Variants in TMEM132C observed in about 807,000 individuals in gnomAD.
TMEM132C encodes transmembrane protein 132C, also known as protein phosphatase 1, regulatory subunit 152.
TMEM132C carries 29 observed loss-of-function variants against 61.4 expected under a neutral mutation model. The observed-to-expected ratio is 0.47, with a 90% CI of 0.35 to 0.64. The LOEUF (loss-of-function observed/expected upper bound fraction) is 0.64. TMEM132C is among the 30% of genes least tolerant of loss of function. TMEM132C has a pLI of 0.00. For synonymous variants in TMEM132C, 656 were observed against 633.1 expected (o/e 1.04, Z -0.54); for missense variants, 1,408 against 1,476.9 (o/e 0.95, Z 0.76).
At chr12:128,479,309 G>A (rs1871250038) in intron 2 of TMEM132C, among the ~76,000 whole-genome samples, 1 of 152,052 alleles carries the variant, frequency 6.6e-6, no homozygotes, top group African/African-American at 2.4e-5. Flanking sequence ...AAACCCTCAT[G>A]ACACAAGTTT....
At chr12:128,678,956 G>A (rs1438599748) in intron 5 of TMEM132C, among the ~76,000 whole-genome samples, 1 of 152,238 alleles carries the variant, frequency 6.6e-6, no homozygotes, top group Non-Finnish European at 1.5e-5. Flanking sequence ...GCCTCAGACA[G>A]ACTCCTGTTA....
intron 4 of TMEM132C, among the ~76,000 whole-genome samples, chr12:128,645,042 A>C (rs1352433286): frequency 6.6e-6 from 1 of 152,202 alleles, no homozygotes; most frequent in Non-Finnish European, 1.5e-5. Context: ...TGAGAGCTGC[A>C]GTGGAACTAA....
rs191830802 is a variant in TMEM132C, at chr12:128,695,022, G to A, written c.1656-808G>A. On this transcript the variant is annotated intron_variant, in intron 6 of 8. Coordinates refer to ENST00000435159, the MANE Select transcript of TMEM132C (RefSeq NM_001136103.3). The stretch of plus-strand genomic sequence containing the variant: ...CTCATAGTGTTATGAGGTTAAAAGA[G>A]TTCATACATGTGGAAGCATAAAATG... Among the ~76,000 whole-genome samples, 136 of 152,264 alleles carry A rather than the reference G, an allele frequency of 8.9e-4. 1 individual carries two copies. Among genetic ancestry groups the A allele is most frequent in the African/African-American group, 3.1e-3 (129 of 41,568 alleles).
chr12:128,703,118 A>G (rs1954814743), intron 8 of TMEM132C, among the ~76,000 whole-genome samples: 1 of 152,116 alleles, frequency 6.6e-6, no homozygotes, highest in Non-Finnish European at 1.5e-5. Context: ...TCCTAACGAT[A>G]TGACTGGACA....
rs1256356271 is a variant in TMEM132C, at chr12:128,399,401, C to T, written c.86-15331C>T. Among the ~76,000 whole-genome samples, 3 of 152,156 alleles carry T rather than the reference C, an allele frequency of 2.0e-5. No individual in the cohort carries two copies. The East Asian group carries it at 5.8e-4, about 29-fold the overall frequency. On this transcript the variant is annotated intron_variant, in intron 1 of 8. Transcript: ENST00000435159. ...TACCACCATCTGTGATAAATGGATG[C>T]CTCTCTCTTTCAATAGATACAGCGA...
chr12:128,609,570 C>T (rs985826527), intron 3 of TMEM132C, among the ~76,000 whole-genome samples: 9 of 151,896 alleles, frequency 5.9e-5, no homozygotes, highest in African/African-American at 1.9e-4. Context: ...TTTGGCTTTT[C>T]AAATTTGAAC....
At chr12:128,275,978 C>G (rs369188672) in intron 1 of TMEM132C, among the ~76,000 whole-genome samples, 4 of 152,264 alleles carry the variant, frequency 2.6e-5, no homozygotes, top group African/African-American at 7.2e-5. Flanking sequence ...CAATCTTTGC[C>G]TCCGTCTTCA....
chr12:128,301,754 TATTGTATTAGTCC>T (rs1332086716), intron 1 of TMEM132C, among the ~76,000 whole-genome samples: 3 of 152,058 alleles, frequency 2.0e-5, no homozygotes, highest in Non-Finnish European at 2.9e-5. Flanking sequence ...CTGACTAAGG[TATTGTATTAGTCC>T]ATTTTCACGC....
chr12:128,634,305 C>T (rs549107029), intron 4 of TMEM132C, among the ~76,000 whole-genome samples: 1 of 152,368 alleles, frequency 6.6e-6, no homozygotes, highest in African/African-American at 2.4e-5. Context: ...AAACTCCTGG[C>T]CTCTAGCCAT....
intron 2 of TMEM132C, among the ~76,000 whole-genome samples, chr12:128,441,395 A>G (rs1869781498): frequency 1.3e-5 from 2 of 152,202 alleles, no homozygotes; most frequent in African/African-American, 4.8e-5. Context: ...CAAGTCATAC[A>G]TGGCTTGCTA....
At chr12:128,288,515 GT>G (rs1871148470) in intron 1 of TMEM132C, 4 of 152,202 alleles carry the variant, frequency 2.6e-5, no homozygotes. Flanking sequence ...TCTTTATCTA[GT>G]AGAGTTCTGC....
intron 1 of TMEM132C, among the ~76,000 whole-genome samples, chr12:128,298,338 A>G (rs1480773304): frequency 1.3e-5 from 2 of 152,196 alleles, no homozygotes; most frequent in South Asian, 2.1e-4. Flanking sequence ...TTCCTTCCGA[A>G]AGGGCAACTG....
chr12:128,388,692 A>G (rs1221070591), intron 1 of TMEM132C, among the ~76,000 whole-genome samples: 1 of 152,238 alleles, frequency 6.6e-6, no homozygotes, highest in Non-Finnish European at 1.5e-5. Flanking sequence ...GGCCACCCCA[A>G]AGAGGTACAA....
At chr12:128,509,124 A>G (rs1872487841) in intron 2 of TMEM132C, among the ~76,000 whole-genome samples, 1 of 152,220 alleles carries the variant, frequency 6.6e-6, no homozygotes, top group Admixed American at 6.5e-5. Context: ...AAGTCCTCGA[A>G]GCAAACCAAA....
intron 1 of TMEM132C, among the ~76,000 whole-genome samples, chr12:128,305,649 G>A (rs749465834): frequency 1.3e-5 from 2 of 151,906 alleles, no homozygotes; most frequent in Admixed American, 6.6e-5. Context: ...TGCTCTAATG[G>A]AAGAATTGGC....
At chr12:128,665,555 GCGCACA>G (rs1954452540) in intron 4 of TMEM132C, among the ~76,000 whole-genome samples, 1 of 101,758 alleles carries the variant, frequency 9.8e-6, no homozygotes, top group Admixed American at 9.3e-5. Flanking sequence ...AAAAATACAG[GCGCACA>G]CACACACACA....
chr12:128,453,907 TA>T (rs934323383), intron 2 of TMEM132C, among the ~76,000 whole-genome samples: 14 of 152,298 alleles, frequency 9.2e-5, no homozygotes, highest in African/African-American at 2.9e-4. Flanking sequence ...GTTCGATTTT[TA>T]AAAAAATCCC....
intron 2 of TMEM132C, among the ~76,000 whole-genome samples, chr12:128,440,741 A>G (rs1447934720): frequency 6.6e-6 from 1 of 152,112 alleles, no homozygotes; most frequent in Non-Finnish European, 1.5e-5. Flanking sequence ...TCCTGATATG[A>G]TGGTGGATAT....
At chr12:128,269,612 CT>C (rs1870444038) in intron 1 of TMEM132C, among the ~76,000 whole-genome samples, 1 of 152,094 alleles carries the variant, frequency 6.6e-6, no homozygotes, top group Non-Finnish European at 1.5e-5. Flanking sequence ...TCTTTCCCTG[CT>C]TTTTGCTTTA....
Sources: gnomAD v4.1 joint callset for allele counts (sites outside exome capture counted in the v4.1 genomes callset) on GRCh38, gnomAD v4.1.1 for gene constraint, MANE v1.5 for transcripts, NCBI Gene and HGNC (gene_info 2026-07-23, HGNC 2026-07-21) for gene names.